Variants in LNPEP observed in about 807,000 individuals in gnomAD.
The protein encoded by LNPEP is leucyl and cystinyl aminopeptidase, also known as leucyl-cystinyl aminopeptidase.
A neutral mutation model predicts 120.6 loss-of-function variants in LNPEP; 64 were observed. That is an observed-to-expected ratio of 0.53 (90% CI 0.43 to 0.65). The LOEUF (loss-of-function observed/expected upper bound fraction) is 0.65, where lower values mean the gene tolerates loss of function less well. LNPEP is among the 30% of genes least tolerant of loss of function. The probability of loss-of-function intolerance (pLI) is 0.00; values close to 1 mark genes in which losing one functional copy is unlikely to be tolerated. For synonymous variants in LNPEP, 435 were observed against 425.4 expected (o/e 1.02, Z -0.28); for missense variants, 1,057 against 1,200.0 (o/e 0.88, Z 1.76).
At position 97,028,544 on chromosome 5, in the gene LNPEP, C is replaced by T. The variant is rs369443546; in HGVS notation, c.*11C>T. 3.3e-5 allele frequency: 53 copies of T among 1,612,270 alleles called. No homozygotes were observed. In the African/African-American group the frequency reaches 3.9e-4, roughly 12 times the overall value. ...ACATGGTGGCTGTAGCATGCACAAC[C>T]GCACCTCATTTTGTTGCCCATTCAG... On this transcript the variant is annotated 3_prime_UTR_variant, in exon 18 of 18. Coordinates refer to ENST00000231368, the MANE Select transcript of LNPEP (RefSeq NM_005575.3).
chr5:96,962,635 CTTTA>C (rs1172811493), intron 1 of LNPEP: 1 of 140,328 alleles, frequency 7.1e-6, no homozygotes, highest in East Asian at 2.1e-4. Flanking sequence ...TTTTTCTTTT[CTTTA>C]TTCTTTTTTT....
intron 2 of LNPEP, among the ~76,000 whole-genome samples, chr5:96,980,392 G>A (rs554484365): frequency 6.6e-6 from 1 of 152,252 alleles, no homozygotes; most frequent in South Asian, 2.1e-4. Context: ...AGGGCATGAA[G>A]AAGTGTGAAG....
intron 4 of LNPEP, among the ~76,000 whole-genome samples, chr5:96,987,846 GC>G (rs1356400383): frequency 6.6e-6 from 1 of 152,128 alleles, no homozygotes; most frequent in Non-Finnish European, 1.5e-5. Context: ...TTCAGGTGTT[GC>G]ACTACATATT....
intron 1 of LNPEP, among the ~76,000 whole-genome samples, chr5:96,976,750 TAA>T (rs61664403): frequency 6.8e-6 from 1 of 148,030 alleles, no homozygotes; most frequent in African/African-American, 2.5e-5. Context: ...ATTTTTAAAT[TAA>T]AAAAAAAAAT....
intron 13 of LNPEP, among the ~76,000 whole-genome samples, chr5:97,015,763 A>C (rs2112659950): frequency 6.6e-6 from 1 of 152,198 alleles, no homozygotes; most frequent in South Asian, 2.1e-4. Flanking sequence ...AACTAGTGAG[A>C]TTTCCCAGGG....
chr5:96,948,689 A>G (rs970035684), intron 1 of LNPEP, among the ~76,000 whole-genome samples: 1 of 152,220 alleles, frequency 6.6e-6, no homozygotes, highest in Non-Finnish European at 1.5e-5. Context: ...CGAAAAGATT[A>G]TTAATATGAA....
chr5:97,020,520 C>T (rs544833877), intron 13 of LNPEP, among the ~76,000 whole-genome samples: 4 of 152,052 alleles, frequency 2.6e-5, no homozygotes, highest in East Asian at 1.9e-4. Context: ...TACCTAAAAA[C>T]GGCCAGGTAT....
chr5:97,008,660 C>CTGTTT (rs1158708951), intron 11 of LNPEP, among the ~76,000 whole-genome samples: 26 of 69,726 alleles, frequency 3.7e-4, no homozygotes, highest in African/African-American at 1.2e-3. Context: ...CTCCTCTTTA[C>CTGTTT]TCTTTTTTTT....
At position 97,006,429 on chromosome 5, in the gene LNPEP, A is replaced by G; in HGVS notation, c.1949A>G (p.Tyr650Cys). 3 of 1,553,030 alleles carry G rather than the reference A, an allele frequency of 1.9e-6. No homozygotes were observed. Among genetic ancestry groups the G allele is most frequent in the Non-Finnish European group, 2.6e-6 (3 of 1,133,584 alleles). Residue 650 changes from tyrosine (Y) to cysteine (C), a missense_variant and splice_region_variant, in exon 11 of 18, where the codon TAC (tyrosine) becomes TGC (cysteine). Tyr to Cys is a radical substitution (Grantham distance 194). Coordinates refer to ENST00000231368, the MANE Select transcript of LNPEP (RefSeq NM_005575.3). ...KPEIQPSDTS[Y>C]LWHIPLSYVT... The stretch of plus-strand genomic sequence containing the variant: ...TTTCCAATGTTTTCTCTTTACAGCT[A>G]CCTGTGGCATATTCCACTATCCTAT...
At chr5:96,971,932 A>G (rs12716486) in intron 1 of LNPEP, among the ~76,000 whole-genome samples, 69,316 of 151,866 alleles carry the variant, frequency 0.46, 15,901 homozygotes, top group Non-Finnish European at 0.49. Flanking sequence ...CTCACTAAAT[A>G]CAATGCAATA....
intron 1 of LNPEP, among the ~76,000 whole-genome samples, chr5:96,964,639 A>G (rs1038998570): frequency 2.0e-5 from 3 of 152,056 alleles, no homozygotes; most frequent in Non-Finnish European, 2.9e-5. Context: ...TCTTATATGT[A>G]TATCTCTGGC....
intron 9 of LNPEP, among the ~76,000 whole-genome samples, chr5:97,005,830 C>T (rs990370505): frequency 1.3e-5 from 2 of 152,074 alleles, no homozygotes; most frequent in Admixed American, 6.5e-5. Context: ...TAGTGCCTCC[C>T]TCACTCCCTT....
At chr5:97,021,571 ATAGAT>A (rs1302993684) in intron 13 of LNPEP, among the ~76,000 whole-genome samples, 1 of 152,192 alleles carries the variant, frequency 6.6e-6, no homozygotes, top group Non-Finnish European at 1.5e-5. Context: ...TTATAGGTTT[ATAGAT>A]TGTAAAGTCA....
At chr5:96,957,808 G>A (rs1049001110) in intron 1 of LNPEP, among the ~76,000 whole-genome samples, 13 of 152,170 alleles carry the variant, frequency 8.5e-5, no homozygotes, top group African/African-American at 2.7e-4. Flanking sequence ...GTTTTAAGCC[G>A]TCAAGCTTGA....
chr5:96,988,207 G>C (rs1402281528), intron 4 of LNPEP, among the ~76,000 whole-genome samples: 3 of 150,918 alleles, frequency 2.0e-5, no homozygotes, highest in Non-Finnish European at 4.4e-5. Context: ...CACACTACCT[G>C]TAGGATTACA....
intron 8 of LNPEP, among the ~76,000 whole-genome samples, chr5:97,002,054 G>T (rs776259862): frequency 1.3e-5 from 2 of 152,106 alleles, no homozygotes; most frequent in African/African-American, 2.4e-5. Flanking sequence ...CAGGAGAATC[G>T]CTTGAACCCA....
At chr5:96,993,561 T>A (rs538516279) in intron 5 of LNPEP, among the ~76,000 whole-genome samples, 1 of 152,242 alleles carries the variant, frequency 6.6e-6, no homozygotes, top group African/African-American at 2.4e-5. Context: ...GGGAAGCTGA[T>A]TGATTGTAAA....
Position 97,024,566 on chromosome 5 carries a change from A to C in LNPEP, c.2607A>C (p.Lys869Asn), listed in dbSNP as rs752167497. 5.6e-6 allele frequency: 9 copies of C among 1,614,128 alleles called. No homozygotes were observed. The South Asian group carries it at 9.9e-5, about 18-fold the overall frequency. The change falls in exon 15 of 18, where the codon AAA becomes AAC. Residue 869 changes from lysine to asparagine, a missense_variant. By Grantham distance (94) the Lys-to-Asn change is moderately conservative. Coordinates refer to ENST00000231368, the MANE Select transcript of LNPEP (RefSeq NM_005575.3). ...VMTTVFKVGA[K>N]TDKGWSFLLG... ...CAACTGTGTTCAAAGTTGGAGCAAA[A>C]ACTGACAAAGGCTGGTCATTCCTTT...
chr5:96,995,119 G>T (rs1420725770), intron 6 of LNPEP, among the ~76,000 whole-genome samples: 6 of 152,048 alleles, frequency 3.9e-5, no homozygotes, highest in Admixed American at 1.3e-4. Flanking sequence ...AAAAAAATAG[G>T]TCATATAGAT....
Sources: allele counts gnomAD v4.1 joint callset (sites outside exome capture counted in the v4.1 genomes callset), GRCh38; gene constraint gnomAD v4.1.1; transcripts MANE v1.5; gene names NCBI Gene and HGNC (gene_info 2026-07-23, HGNC 2026-07-21).